ANKS1B: variants seen among roughly 807,000 people sequenced by gnomAD.
The protein encoded by ANKS1B is ankyrin repeat and sterile alpha motif domain-containing protein 1B.
Under a neutral mutation model 148.3 loss-of-function variants are expected in ANKS1B, and 36 were observed. That is an observed-to-expected ratio of 0.24 (90% CI 0.19 to 0.32). The LOEUF (loss-of-function observed/expected upper bound fraction) is 0.32. Ranked by LOEUF, ANKS1B falls within the 10% of genes least tolerant of loss-of-function variation. The pLI is 1.00. For missense variants in ANKS1B, 1,157 were observed against 1,542.6 expected (o/e 0.75, Z 4.19); for synonymous variants, 542 against 560.8 (o/e 0.97, Z 0.47).
chr12:99,191,889 T>G (rs2080764842), intron 14 of ANKS1B, among the ~76,000 whole-genome samples: 1 of 152,084 alleles, frequency 6.6e-6, no homozygotes, highest in East Asian at 1.9e-4. Context: ...ATCCCAGCAC[T>G]TTGGGAGGCC....
At chr12:99,729,100 T>G (rs2058891542) in intron 8 of ANKS1B, among the ~76,000 whole-genome samples, 2 of 152,246 alleles carry the variant, frequency 1.3e-5, no homozygotes, top group Non-Finnish European at 2.9e-5. Context: ...AAGCAACATA[T>G]TCACAGTTCT....
At chr12:98,805,385 C>T (rs541154335) in intron 20 of ANKS1B, among the ~76,000 whole-genome samples, 1 of 151,852 alleles carries the variant, frequency 6.6e-6, no homozygotes, top group African/African-American at 2.4e-5. Flanking sequence ...TCTTCAAACT[C>T]AAATAAAAAC....
chr12:99,511,747 G>A (rs1231912933), intron 9 of ANKS1B, among the ~76,000 whole-genome samples: 1 of 151,984 alleles, frequency 6.6e-6, no homozygotes, highest in African/African-American at 2.4e-5. Context: ...AGAGAACTCA[G>A]AAATAATATC....
chr12:99,385,092 T>C lies in ANKS1B; in HGVS notation c.1756+14539A>G, dbSNP rs150162588. Among the ~76,000 whole-genome samples the C allele has an allele frequency of 1.6e-3, 249 of 151,404 alleles. 3 individuals are homozygous for C. The highest frequency in any genetic ancestry group is 0.015 in the Admixed American group (235 of 15,222). On this transcript the variant is annotated intron_variant, in intron 12 of 26. Transcript: ENST00000683438. ...GCTCATATGCTTAAAGTTGTTAAGA[T>C]AGTATTATGAACATACGACATCAGC...
intron 8 of ANKS1B, among the ~76,000 whole-genome samples, chr12:99,735,720 CA>C (rs892130598): frequency 8.2e-4 from 119 of 144,600 alleles, no homozygotes; most frequent in Admixed American, 2.5e-3. Context: ...CAAACTATTC[CA>C]AAAAAATAAA....
chr12:99,444,402 C>T (rs530461129), intron 10 of ANKS1B, among the ~76,000 whole-genome samples: 1 of 151,978 alleles, frequency 6.6e-6, no homozygotes, highest in African/African-American at 2.4e-5. Flanking sequence ...GTATAGCAAC[C>T]TATGTGGTCA....
At chr12:98,815,392 T>C (rs1047574027) in intron 19 of ANKS1B, among the ~76,000 whole-genome samples, 4 of 152,216 alleles carry the variant, frequency 2.6e-5, no homozygotes, top group African/African-American at 9.6e-5. Flanking sequence ...CCTTAGCCTC[T>C]TTGGCTGCTT....
intron 17 of ANKS1B, among the ~76,000 whole-genome samples, chr12:99,027,793 C>G (rs999352654): frequency 1.3e-5 from 2 of 152,192 alleles, no homozygotes; most frequent in Non-Finnish European, 2.9e-5. Context: ...ATATGCAAAG[C>G]AGAAAATTAA....
At chr12:99,523,696 G>C (rs1213714459) in intron 9 of ANKS1B, among the ~76,000 whole-genome samples, 1 of 151,990 alleles carries the variant, frequency 6.6e-6, no homozygotes, top group East Asian at 1.9e-4. Context: ...GGGACCACAG[G>C]CGCCCGCCAC....
chr12:99,173,283 C>G (rs1046537948), intron 14 of ANKS1B, among the ~76,000 whole-genome samples: 1 of 152,040 alleles, frequency 6.6e-6, no homozygotes, highest in African/African-American at 2.4e-5. Flanking sequence ...AAATCAGAAG[C>G]CAGAAAAATG....
chr12:99,895,392 C>A (rs1205892291), intron 1 of ANKS1B, among the ~76,000 whole-genome samples: 1 of 149,922 alleles, frequency 6.7e-6, no homozygotes, highest in Non-Finnish European at 1.5e-5. Context: ...ACACATGAAC[C>A]AATTCCTTAA....
downstream of ANKS1B, among the ~76,000 whole-genome samples, chr12:98,741,206 A>G (rs1340289675): frequency 6.6e-6 from 1 of 152,208 alleles, no homozygotes; most frequent in African/African-American, 2.4e-5. Flanking sequence ...CAATTCAACA[A>G]ATGTCACCGA....
intron 17 of ANKS1B, among the ~76,000 whole-genome samples, chr12:98,948,681 T>C (rs191130045): frequency 1.3e-5 from 2 of 152,032 alleles, no homozygotes; most frequent in East Asian, 3.9e-4. Flanking sequence ...ATGGACCACA[T>C]TGATATGCAC....
intron 25 of ANKS1B, among the ~76,000 whole-genome samples, chr12:98,759,515 T>C (rs967984926): frequency 4.6e-5 from 7 of 151,984 alleles, no homozygotes; most frequent in Non-Finnish European, 8.8e-5. Context: ...ATGAGAAAAA[T>C]TGCATCATAG....
At position 99,984,365 on chromosome 12, in the gene ANKS1B, G is replaced by T; in HGVS notation, c.-128C>A. 3.1e-6 allele frequency: 2 copies of T among 652,080 alleles called. No homozygotes were observed. Among genetic ancestry groups the T allele is most frequent in the Non-Finnish European group, 4.7e-6 (2 of 423,472 alleles). The allele number at this position is 652,080 out of a possible 1,614,324, so 40.4% of individuals were successfully genotyped here. On this transcript the variant is annotated 5_prime_UTR_variant, in exon 1 of 27. Transcript: ENST00000683438. ...AATAATGCAAGAGCTTCAGCACGGAGAGCTCCCTGCAGCCCCAGGCAGGGA... is the reference window on the plus strand; with the variant it reads ...AATAATGCAAGAGCTTCAGCACGGATAGCTCCCTGCAGCCCCAGGCAGGGA...
intron 1 of ANKS1B, among the ~76,000 whole-genome samples, chr12:99,951,100 GT>G (rs1311719082): frequency 6.6e-6 from 1 of 152,156 alleles, no homozygotes; most frequent in African/African-American, 2.4e-5. Flanking sequence ...TGCCATAAGA[GT>G]TTGATGCCAT....
At chr12:99,701,930 C>T (rs2054896750) in intron 8 of ANKS1B, among the ~76,000 whole-genome samples, 1 of 152,108 alleles carries the variant, frequency 6.6e-6, no homozygotes, top group African/African-American at 2.4e-5. Context: ...TTTCTTTATC[C>T]ATTCATCTGT....
chr12:99,602,005 T>C (rs1203958592), intron 9 of ANKS1B, among the ~76,000 whole-genome samples: 2 of 152,034 alleles, frequency 1.3e-5, no homozygotes, highest in African/African-American at 4.8e-5. Context: ...GTAATATTTC[T>C]AGGTTTTATG....
chr12:99,383,517 C>A (rs531335062), intron 12 of ANKS1B, among the ~76,000 whole-genome samples: 66 of 152,332 alleles, frequency 4.3e-4, no homozygotes, highest in African/African-American at 1.5e-3. Context: ...TCACTTATAT[C>A]TTTGCCAAAC....
Sources: allele counts gnomAD v4.1 joint callset (sites outside exome capture counted in the v4.1 genomes callset), GRCh38; gene constraint gnomAD v4.1.1; transcripts MANE v1.5; gene names NCBI Gene and HGNC (gene_info 2026-07-23, HGNC 2026-07-21).